The following RELCH variants were observed in gnomAD, a reference collection of about 807,000 sequenced individuals.
RELCH encodes RAB11 binding and LisH domain, coiled-coil and HEAT repeat containing.
Under a neutral mutation model 150.3 loss-of-function variants are expected in RELCH, and 41 were observed. The observed-to-expected ratio is 0.27, with a 90% confidence interval of 0.21 to 0.35. The LOEUF (loss-of-function observed/expected upper bound fraction) is 0.35, where lower values mean the gene tolerates loss of function less well. RELCH is among the 10% of genes least tolerant of loss of function. The pLI is 1.00. For missense variants in RELCH, 1,092 were observed against 1,467.8 expected (o/e 0.74, Z 4.18); for synonymous variants, 478 against 531.8 (o/e 0.90, Z 1.39).
intron 10 of RELCH, among the ~76,000 whole-genome samples, chr18:62,237,165 T>A (rs1182086098): frequency 6.6e-6 from 1 of 151,880 alleles, no homozygotes; most frequent in Non-Finnish European, 1.5e-5. Context: ...TTTATATGAC[T>A]TTGATCTTTT....
chr18:62,219,325 C>CTTTTTTTTTTTTTT (rs202196452), intron 2 of RELCH, among the ~76,000 whole-genome samples: 6 of 112,854 alleles, frequency 5.3e-5, no homozygotes, highest in African/African-American at 1.0e-4. Context: ...TTCTTTTTTT[C>CTTTTTTTTTTTTTT]TTTTTTTTTT....
intron 28 of RELCH, among the ~76,000 whole-genome samples, chr18:62,303,444 G>C (rs1390539732): frequency 6.6e-6 from 1 of 152,070 alleles, no homozygotes; most frequent in Non-Finnish European, 1.5e-5. Context: ...ACCTCTTATA[G>C]TTTCCAGACT....
chr18:62,278,522 G>A (rs1376021495), intron 22 of RELCH, among the ~76,000 whole-genome samples: 2 of 152,086 alleles, frequency 1.3e-5, no homozygotes. Context: ...TTTCTCTGAT[G>A]TGTTATATAG....
At chr18:62,232,979 C>G (rs1403393156) in intron 10 of RELCH, among the ~76,000 whole-genome samples, 2 of 151,600 alleles carry the variant, frequency 1.3e-5, no homozygotes, top group Admixed American at 6.6e-5. Context: ...TTTAAAGTAC[C>G]TTTTTTATTT....
At chr18:62,194,980 A>G (rs141269268) in intron 1 of RELCH, among the ~76,000 whole-genome samples, 63 of 152,310 alleles carry the variant, frequency 4.1e-4, no homozygotes, top group Non-Finnish European at 7.8e-4. Flanking sequence ...ATACTGTAAT[A>G]TAGTTGTACT....
intron 2 of RELCH, among the ~76,000 whole-genome samples, chr18:62,220,078 G>C (rs535971439): frequency 6.6e-6 from 1 of 152,074 alleles, no homozygotes; most frequent in African/African-American, 2.4e-5. Context: ...ACATTTTAAA[G>C]AGCTTATTAA....
chr18:62,307,952 G>T lies in RELCH; in HGVS notation c.*2418G>T, dbSNP rs1185378875. ...TTGGTTTGCATTATTCACCCCTTTA[G>T]AGAGATTATTTTGCTAAACATCAAA... On this transcript the variant is annotated 3_prime_UTR_variant, in exon 29 of 29. Coordinates refer to ENST00000644646, the MANE Select transcript of RELCH (RefSeq NM_001346231.2). 2.0e-5 allele frequency: 3 copies of T among 152,090 alleles called. No individual in the cohort carries two copies. Among genetic ancestry groups the T allele is most frequent in the East Asian group, 3.9e-4 (2 of 5,188 alleles). 9.4% of individuals were successfully genotyped at this position (152,090 alleles called of 1,614,324 possible). A position where few individuals can be genotyped will look rare whatever the true frequency, so the allele number is the denominator to read the frequency against.
chr18:62,215,305 C>G (rs1035871538), intron 2 of RELCH, among the ~76,000 whole-genome samples: 2 of 152,126 alleles, frequency 1.3e-5, no homozygotes, highest in African/African-American at 2.4e-5. Flanking sequence ...GAACAAACAT[C>G]TGTATTATTT....
intron 1 of RELCH, among the ~76,000 whole-genome samples, chr18:62,199,387 G>T (rs1422111728): frequency 6.6e-6 from 1 of 151,674 alleles, no homozygotes; most frequent in African/African-American, 2.4e-5. Context: ...TTTTTTAAAA[G>T]ATGTTAGCTC....
At position 62,187,716 on chromosome 18, in the gene RELCH, C is replaced by A; in HGVS notation, c.211C>A (p.Leu71Ile). ...CTTAGGAAGCAGTGCGCGGCCAGGG[C>A]TCCCTGGGGAGGCGTCGGCGGCTGC... is the stretch of plus-strand genomic sequence containing the variant. ...VALGSSARPG[L>I]PGEASAAAVA... Residue 71 changes from leucine to isoleucine, a missense_variant, in exon 1 of 29, where the codon CTC becomes ATC. Leu to Ile is a conservative substitution (Grantham distance 5). Coordinates refer to ENST00000644646, the MANE Select transcript of RELCH (RefSeq NM_001346231.2). 1.2e-6 allele frequency: 2 copies of A among 1,605,214 alleles called. No homozygotes were observed. Among genetic ancestry groups the A allele is most frequent in the Non-Finnish European group, 1.7e-6 (2 of 1,174,034 alleles).
intron 15 of RELCH, among the ~76,000 whole-genome samples, chr18:62,259,140 T>C (rs901738765): frequency 1.3e-5 from 2 of 151,974 alleles, no homozygotes; most frequent in Admixed American, 1.3e-4. Context: ...ATACAAGAAT[T>C]AAAGAAATGT....
At chr18:62,230,433 A>G (rs2041500455) in intron 8 of RELCH, among the ~76,000 whole-genome samples, 1 of 152,138 alleles carries the variant, frequency 6.6e-6, no homozygotes, top group African/African-American at 2.4e-5. Flanking sequence ...ATAATCATAG[A>G]AATTACTGAG....
chr18:62,217,519 T>C (rs1377569503), intron 2 of RELCH, among the ~76,000 whole-genome samples: 1 of 151,904 alleles, frequency 6.6e-6, no homozygotes, highest in Non-Finnish European at 1.5e-5. Context: ...GCCAACTGGG[T>C]CAATAATGGT....
At chr18:62,199,284 A>G (rs1212458263) in intron 1 of RELCH, among the ~76,000 whole-genome samples, 1 of 151,988 alleles carries the variant, frequency 6.6e-6, no homozygotes, top group African/African-American at 2.4e-5. Flanking sequence ...ACTTATGGAA[A>G]TTAATTATAT....
intron 22 of RELCH, chr18:62,277,675 C>T: frequency 9.2e-6 from 9 of 976,922 alleles, no homozygotes; most frequent in Non-Finnish European, 1.1e-5. Context: ...CTGAAATTCA[C>T]TAATAAATTG....
chr18:62,306,921 TAA>T lies in RELCH; in HGVS notation c.*1390_*1391del, dbSNP rs2045896277. The T allele has an allele frequency of 6.6e-6, 1 of 152,666 alleles. No homozygotes were observed. The highest frequency in any genetic ancestry group is 1.5e-5 in the Non-Finnish European group (1 of 68,020). The allele number at this position is 152,666 out of a possible 1,614,324, so 9.5% of individuals were successfully genotyped here. A position where few individuals can be genotyped will look rare whatever the true frequency, so the allele number is the denominator to read the frequency against. ...CTAGCTTACCATACATTCAAGTTTA[TAA>T]AACAATTTGCCATAGGCAAAGCCAT... On this transcript the variant is annotated 3_prime_UTR_variant, in exon 29 of 29. Coordinates refer to ENST00000644646, the MANE Select transcript of RELCH (RefSeq NM_001346231.2).
At chr18:62,200,663 C>T (rs887960758) in intron 1 of RELCH, among the ~76,000 whole-genome samples, 5 of 151,494 alleles carry the variant, frequency 3.3e-5, no homozygotes, top group African/African-American at 1.2e-4. Context: ...AAGTGTTTCA[C>T]ATCTTTCCTT....
At chr18:62,258,887 G>A (rs770264038) in intron 15 of RELCH, among the ~76,000 whole-genome samples, 39 of 152,134 alleles carry the variant, frequency 2.6e-4, no homozygotes, top group Non-Finnish European at 5.2e-4. Context: ...AGGGCATGAT[G>A]TGCATTTGTT....
At chr18:62,195,139 A>G (rs1568294023) in intron 1 of RELCH, among the ~76,000 whole-genome samples, 2 of 152,238 alleles carry the variant, frequency 1.3e-5, no homozygotes, top group African/African-American at 2.4e-5. Flanking sequence ...ACTGAATAAA[A>G]TTACTTTTAA....
Sources: allele counts gnomAD v4.1 joint callset (sites outside exome capture counted in the v4.1 genomes callset), GRCh38; gene constraint gnomAD v4.1.1; transcripts MANE v1.5; gene names NCBI Gene and HGNC (gene_info 2026-07-23, HGNC 2026-07-21).